The following KLHL32 variants were observed in gnomAD, a reference collection of about 807,000 sequenced individuals.
KLHL32 encodes the protein kelch-like protein 32.
Under a neutral mutation model 64.8 loss-of-function variants are expected in KLHL32, and 35 were observed. That is an observed-to-expected ratio of 0.54 (90% CI 0.41 to 0.72). The LOEUF (loss-of-function observed/expected upper bound fraction) is 0.72. Among genes scored for constraint, KLHL32 ranks in the 30% least tolerant of loss-of-function variants. The probability of loss-of-function intolerance (pLI) is 0.00; values close to 1 mark genes in which losing one functional copy is unlikely to be tolerated. For synonymous variants in KLHL32, 259 were observed against 281.0 expected (o/e 0.92, Z 0.78); for missense variants, 589 against 768.5 (o/e 0.77, Z 2.76).
At chr6:96,981,210 GCTT>G (rs894315194) in intron 3 of KLHL32, among the ~76,000 whole-genome samples, 2 of 152,102 alleles carry the variant, frequency 1.3e-5, no homozygotes, top group Non-Finnish European at 2.9e-5. Context: ...ATATCAGTAG[GCTT>G]CTTCTTACTG....
At chr6:96,899,568 A>G in the KLHL32 span, among the ~76,000 whole-genome samples, 1 of 152,240 alleles carries the variant, frequency 6.6e-6, no homozygotes, top group African/African-American at 2.4e-5. Flanking sequence ...GCTTGGATTC[A>G]ACATTGAAAG....
At chr6:96,906,096 T>TCTGCC in the KLHL32 span, among the ~76,000 whole-genome samples, 14 of 152,310 alleles carry the variant, frequency 9.2e-5, no homozygotes, top group East Asian at 2.7e-3. Context: ...CACACAATCC[T>TCTGCC]CTGCCGAGTT....
chr6:97,031,333 T>C (rs1001395978), intron 3 of KLHL32, among the ~76,000 whole-genome samples: 2 of 143,904 alleles, frequency 1.4e-5, no homozygotes, highest in Non-Finnish European at 3.1e-5. Flanking sequence ...AAGCATTAAG[T>C]TTTTAACATT....
intron 2 of KLHL32, among the ~76,000 whole-genome samples, chr6:96,972,238 A>G (rs963016195): frequency 6.6e-6 from 1 of 152,202 alleles, no homozygotes; most frequent in Non-Finnish European, 1.5e-5. Context: ...TAATCAGTAC[A>G]GAAATATTGA....
At chr6:96,965,124 G>A (rs1432882433) in intron 1 of KLHL32, among the ~76,000 whole-genome samples, 3 of 152,112 alleles carry the variant, frequency 2.0e-5, no homozygotes, top group Non-Finnish European at 2.9e-5. Context: ...GCATTAATTC[G>A]TTTTGCATAA....
intron 6 of KLHL32, among the ~76,000 whole-genome samples, chr6:97,097,260 G>A (rs191810964): frequency 2.0e-5 from 3 of 152,214 alleles, no homozygotes; most frequent in Non-Finnish European, 2.9e-5. Flanking sequence ...CTCCATCACC[G>A]AGCTGTCACT....
At chr6:97,032,654 C>T (rs1783725964) in intron 3 of KLHL32, among the ~76,000 whole-genome samples, 1 of 151,960 alleles carries the variant, frequency 6.6e-6, no homozygotes, top group African/African-American at 2.4e-5. Flanking sequence ...AGGCCGTCAG[C>T]ACATCAGGGG....
intron 3 of KLHL32, among the ~76,000 whole-genome samples, chr6:97,005,745 C>A (rs1372703528): frequency 2.0e-5 from 3 of 152,162 alleles, no homozygotes; most frequent in Admixed American, 2.0e-4. Context: ...TTACCCAAGT[C>A]ATTCTGTAAC....
intron 1 of KLHL32, among the ~76,000 whole-genome samples, chr6:96,946,010 C>G (rs1771877048): frequency 6.6e-6 from 1 of 151,924 alleles, no homozygotes; most frequent in South Asian, 2.1e-4. Context: ...TGGTTTTTAA[C>G]TTTTTCTGGG....
At chr6:96,974,536 T>G (rs1402862627) in intron 2 of KLHL32, among the ~76,000 whole-genome samples, 2 of 152,238 alleles carry the variant, frequency 1.3e-5, no homozygotes, top group Non-Finnish European at 2.9e-5. Flanking sequence ...ACATTTCAAC[T>G]GAAAATAATC....
At chr6:97,100,966 C>CTTTTTTTTTTTTTTTTTTT (rs58422496) in intron 6 of KLHL32, among the ~76,000 whole-genome samples, 1 of 69,476 alleles carries the variant, frequency 1.4e-5, no homozygotes, top group African/African-American at 7.1e-5. Flanking sequence ...TGCAGCCAAG[C>CTTTTTTTTTTTTTTTTTTT]TTTTTTTTTT....
At chr6:96,989,720 T>G (rs1050722859) in intron 3 of KLHL32, among the ~76,000 whole-genome samples, 1 of 151,868 alleles carries the variant, frequency 6.6e-6, no homozygotes, top group Non-Finnish European at 1.5e-5. Context: ...TCTCCCCCCC[T>G]CTCTTCCAGG....
intron 4 of KLHL32, among the ~76,000 whole-genome samples, chr6:97,064,158 T>C (rs1354480612): frequency 1.3e-5 from 2 of 152,180 alleles, no homozygotes; most frequent in Non-Finnish European, 2.9e-5. Context: ...TGGACTAATA[T>C]CCACCTCTGG....
At chr6:97,031,219 C>A (rs1355331851) in intron 3 of KLHL32, among the ~76,000 whole-genome samples, 1 of 152,126 alleles carries the variant, frequency 6.6e-6, no homozygotes, top group Non-Finnish European at 1.5e-5. Flanking sequence ...TGAGGCTCTT[C>A]CTAATTGAGA....
At chr6:96,907,278 A>G in the KLHL32 span, among the ~76,000 whole-genome samples, 1 of 152,158 alleles carries the variant, frequency 6.6e-6, no homozygotes, top group Admixed American at 6.5e-5. Flanking sequence ...TGGCAAATCT[A>G]ATTTCTTCTA....
intron 3 of KLHL32, among the ~76,000 whole-genome samples, chr6:97,030,901 T>C (rs373001058): frequency 2.0e-5 from 3 of 152,214 alleles, no homozygotes; most frequent in African/African-American, 7.2e-5. Context: ...GAAGATGATA[T>C]TGGTTGATTC....
chr6:97,021,436 A>T (rs1286025932), intron 3 of KLHL32, among the ~76,000 whole-genome samples: 1 of 150,834 alleles, frequency 6.6e-6, no homozygotes, highest in Non-Finnish European at 1.5e-5. Flanking sequence ...AAGCCTGAAG[A>T]TGGCATGTCC....
intron 3 of KLHL32, among the ~76,000 whole-genome samples, chr6:97,019,791 CT>C (rs112184709): frequency 6.6e-6 from 1 of 151,806 alleles, no homozygotes. Context: ...ATACTATTTT[CT>C]TTTTTTGAGA....
chr6:96,922,927 G>A (rs890093776), upstream of KLHL32, among the ~76,000 whole-genome samples: 5 of 152,120 alleles, frequency 3.3e-5, no homozygotes, highest in Non-Finnish European at 5.9e-5. Flanking sequence ...TGCCCTCTCT[G>A]AACTAGACAT....
Sources: allele counts gnomAD v4.1 joint callset (sites outside exome capture counted in the v4.1 genomes callset), GRCh38; gene constraint gnomAD v4.1.1; transcripts MANE v1.5; gene names NCBI Gene and HGNC (gene_info 2026-07-23, HGNC 2026-07-21).